DPH6: variants seen among roughly 807,000 people sequenced by gnomAD.
DPH6 encodes the protein diphthine--ammonia ligase.
Under a neutral mutation model 38.2 loss-of-function variants are expected in DPH6, and 33 were observed. That is an observed-to-expected ratio of 0.86 (90% confidence interval 0.65 to 1.15). The LOEUF is 1.15. Ranked by LOEUF, DPH6 falls within the 50% of genes most tolerant of loss-of-function variation. The pLI is 0.00. For synonymous variants in DPH6, 108 were observed against 103.0 expected (o/e 1.05, Z -0.30); for missense variants, 325 against 320.0 (o/e 1.02, Z -0.12).
chr15:35,432,230 T>C lies in DPH6; in HGVS notation c.505+18455A>G, dbSNP rs1033469446. Among the ~76,000 whole-genome samples, 7 of 152,158 alleles carry C rather than the reference T, an allele frequency of 4.6e-5. No homozygotes were observed. The East Asian group carries it at 7.7e-4, about 17-fold the overall frequency. On this transcript the variant is annotated intron_variant, in intron 5 of 8. Coordinates refer to ENST00000256538, the MANE Select transcript of DPH6 (RefSeq NM_080650.4). ...TAAAAGAAGAAAAAAATCTATATGA[T>C]GTTTAAAATGGGTAAAAATGTGAAC...
At chr15:35,167,437 T>TA in the DPH6 span, among the ~76,000 whole-genome samples, 8 of 149,210 alleles carry the variant, frequency 5.4e-5, no homozygotes, top group South Asian at 2.1e-4. Context: ...AACTTTCAAT[T>TA]AAAAAAAAAA....
chr15:35,354,723 G>T (rs763859261), intron 3 of DPH6, among the ~76,000 whole-genome samples: 15 of 152,126 alleles, frequency 9.9e-5, no homozygotes, highest in Non-Finnish European at 1.8e-4. Flanking sequence ...GTTCATCAGG[G>T]ATATTGGTCT....
At chr15:35,233,403 C>T (rs1412531787) in intron 3 of DPH6, among the ~76,000 whole-genome samples, 1 of 152,128 alleles carries the variant, frequency 6.6e-6, no homozygotes, top group African/African-American at 2.4e-5. Context: ...GACAAAATGG[C>T]ACAAATTCTT....
intron 3 of DPH6, chr15:35,237,889 C>A: frequency 1.4e-6 from 2 of 1,438,270 alleles, no homozygotes; most frequent in Non-Finnish European, 1.9e-6. Context: ...TAGTGGAGGA[C>A]GAGGAGGAGG....
chr15:35,371,818 G>A lies in DPH6; in HGVS notation c.*332C>T. 1 of 1,024,702 alleles carries A rather than the reference G, an allele frequency of 9.8e-7. No homozygotes were observed. Among genetic ancestry groups the A allele is most frequent in the South Asian group, 4.1e-5 (1 of 24,546 alleles). The allele number at this position is 1,024,702 out of a possible 1,614,324, so 63.5% of individuals were successfully genotyped here. ...TTGGTAGGGATTGGAGCAAGAAAGA[G>A]AGAAGGAGGAAAAGAAACTAGTGTG... is the stretch of plus-strand genomic sequence containing the variant. On this transcript the variant is annotated 3_prime_UTR_variant, in exon 9 of 9. Transcript: ENST00000256538.
intron 3 of DPH6, among the ~76,000 whole-genome samples, chr15:35,295,333 CT>C (rs1555391577): frequency 1.2e-4 from 19 of 152,204 alleles, no homozygotes; most frequent in Non-Finnish European, 1.5e-5. Flanking sequence ...TTTCTGTTGA[CT>C]TTTTCTTCAC....
At chr15:35,237,418 A>G in intron 3 of DPH6, 1 of 1,605,712 alleles carries the variant, frequency 6.2e-7, no homozygotes, top group Non-Finnish European at 8.5e-7. Flanking sequence ...GGTCGAATGA[A>G]GGCAAACTCG....
At chr15:35,330,294 A>G (rs549806977), downstream of DPH6, among the ~76,000 whole-genome samples, 13 of 152,306 alleles carry the variant, frequency 8.5e-5, no homozygotes, top group Non-Finnish European at 1.6e-4. Context: ...CTACTCATGC[A>G]GACGCTAAGG....
At chr15:35,351,741 A>G (rs540149432) in intron 3 of DPH6, among the ~76,000 whole-genome samples, 160 of 145,404 alleles carry the variant, frequency 1.1e-3, no homozygotes, top group African/African-American at 3.9e-3. Context: ...TTTTTTTGAG[A>G]GACAAGGTGT....
chr15:35,284,753 C>G (rs1430804917), intron 3 of DPH6, among the ~76,000 whole-genome samples: 2 of 143,210 alleles, frequency 1.4e-5, no homozygotes, highest in Admixed American at 7.1e-5. Context: ...AAAAAAAAAG[C>G]AAACCTATGA....
At chr15:35,282,932 G>A in intron 3 of DPH6, 1 of 344,286 alleles carries the variant, frequency 2.9e-6, no homozygotes, top group South Asian at 3.2e-5. Context: ...CAATACTTGG[G>A]TTTGCACCAA....
intron 3 of DPH6, among the ~76,000 whole-genome samples, chr15:35,468,296 A>G (rs1055318936): frequency 6.6e-6 from 1 of 152,194 alleles, no homozygotes; most frequent in Non-Finnish European, 1.5e-5. Context: ...AACTTGCCCC[A>G]GATTTCTCAA....
At chr15:35,398,890 G>GA (rs758032249) in intron 6 of DPH6, among the ~76,000 whole-genome samples, 1 of 152,104 alleles carries the variant, frequency 6.6e-6, no homozygotes, top group Non-Finnish European at 1.5e-5. Flanking sequence ...TGGTGTGTGG[G>GA]AAAAACCTCA....
At chr15:35,188,650 T>G in the DPH6 span, among the ~76,000 whole-genome samples, 1 of 152,310 alleles carries the variant, frequency 6.6e-6, no homozygotes, top group South Asian at 2.1e-4. Flanking sequence ...TTCTTTCTCC[T>G]GAGGAGGCAA....
intron 3 of DPH6, among the ~76,000 whole-genome samples, chr15:35,468,796 G>C (rs979884614): frequency 6.6e-6 from 1 of 152,012 alleles, no homozygotes; most frequent in East Asian, 1.9e-4. Context: ...GGCTGGGCGC[G>C]GTGGCTCATG....
chr15:35,516,531 G>A lies in DPH6; in HGVS notation c.312+21743C>T, dbSNP rs146619395. 2.0e-3 allele frequency among the ~76,000 whole-genome samples: 305 copies of A among 152,208 alleles called. 1 individual carries two copies. The highest frequency in any genetic ancestry group is 6.8e-3 in the African/African-American group (283 of 41,534). On this transcript the variant is annotated intron_variant, in intron 3 of 8. Coordinates refer to ENST00000256538, the MANE Select transcript of DPH6 (RefSeq NM_080650.4). ...AGATCATACCATGCAGTGGAACCTA[G>A]AACAAAGCGGAGTCAAACCCTAGAG...
chr15:35,499,349 A>G (rs1245569045), intron 3 of DPH6, among the ~76,000 whole-genome samples: 4 of 152,092 alleles, frequency 2.6e-5, no homozygotes. Context: ...TTTTCTGATG[A>G]TTATGAGAGT....
chr15:35,333,452 G>T (rs904015527), intron 3 of DPH6, among the ~76,000 whole-genome samples: 14 of 152,124 alleles, frequency 9.2e-5, no homozygotes, highest in Admixed American at 7.9e-4. Flanking sequence ...GTAGGAAAAA[G>T]GGTTGATCAT....
chr15:35,229,469 A>G (rs1027934998), intron 3 of DPH6, among the ~76,000 whole-genome samples: 1 of 151,968 alleles, frequency 6.6e-6, no homozygotes, highest in Non-Finnish European at 1.5e-5. Context: ...AATTTCTTTG[A>G]GTTTCCTAAA....
Sources: allele counts gnomAD v4.1 joint callset (sites outside exome capture counted in the v4.1 genomes callset), GRCh38; gene constraint gnomAD v4.1.1; transcripts MANE v1.5; gene names NCBI Gene and HGNC (gene_info 2026-07-23, HGNC 2026-07-21).